ADAMTSL3: variants seen among roughly 807,000 people sequenced by gnomAD.
ADAMTSL3 encodes ADAMTS-like protein 3.
A neutral mutation model predicts 201.7 loss-of-function variants in ADAMTSL3; 128 were observed. The observed-to-expected ratio is 0.63, with a 90% CI of 0.55 to 0.73. ADAMTSL3 has a LOEUF of 0.73. Ranked by LOEUF, ADAMTSL3 falls within the 30% of genes least tolerant of loss-of-function variation. The pLI, the probability that ADAMTSL3 is intolerant of heterozygous loss-of-function variation, is 0.00. For synonymous variants in ADAMTSL3, 738 were observed against 748.4 expected (o/e 0.99, Z 0.23); for missense variants, 1,990 against 2,119.6 (o/e 0.94, Z 1.20).
intron 22 of ADAMTSL3, among the ~76,000 whole-genome samples, chr15:83,989,129 G>A (rs564913309): frequency 1.3e-5 from 2 of 152,214 alleles, no homozygotes; most frequent in African/African-American, 4.8e-5. Flanking sequence ...TGATCCACCC[G>A]CCTTGGCCTC....
At chr15:83,705,618 A>G (rs1388395276) in intron 3 of ADAMTSL3, among the ~76,000 whole-genome samples, 2 of 152,064 alleles carry the variant, frequency 1.3e-5, no homozygotes, top group African/African-American at 4.8e-5. Context: ...GCAGAGCATC[A>G]GTGGCTGATG....
Position 83,674,732 on chromosome 15 carries a change from TAC to T in ADAMTSL3, c.69+18908_69+18909del, listed in dbSNP as rs1369988755. Among the ~76,000 whole-genome samples the T allele has an allele frequency of 9.5e-3, 1,292 of 136,464 alleles. 46 individuals carry two copies. The highest frequency in any genetic ancestry group is 0.035 in the African/African-American group (1,216 of 34,358). 89.5% of individuals were successfully genotyped at this position (136,464 alleles called of 152,430 possible). ...ATATATACACACATATATACATATA[TAC>T]ACACATATATACATATATACACACA... On this transcript the variant is annotated intron_variant, in intron 2 of 29. Transcript: ENST00000286744.
intron 27 of ADAMTSL3, among the ~76,000 whole-genome samples, chr15:84,028,894 T>C (rs1446804162): frequency 2.0e-5 from 3 of 152,220 alleles, no homozygotes; most frequent in African/African-American, 7.2e-5. Flanking sequence ...GATGGTTTTA[T>C]AAGAGGCTTT....
At chr15:83,785,086 A>G (rs2063239380) in intron 4 of ADAMTSL3, among the ~76,000 whole-genome samples, 1 of 152,216 alleles carries the variant, frequency 6.6e-6, no homozygotes, top group Non-Finnish European at 1.5e-5. Flanking sequence ...TTGTTGGCAG[A>G]GATACATTTT....
chr15:83,738,671 A>T (rs890995583), intron 3 of ADAMTSL3, among the ~76,000 whole-genome samples: 1 of 152,158 alleles, frequency 6.6e-6, no homozygotes, highest in Non-Finnish European at 1.5e-5. Context: ...AGGTGGGTGG[A>T]TCACTTGAGG....
intron 2 of ADAMTSL3, among the ~76,000 whole-genome samples, chr15:83,659,922 G>A (rs1438040469): frequency 6.6e-6 from 1 of 152,202 alleles, no homozygotes; most frequent in Non-Finnish European, 1.5e-5. Context: ...ACTGGCTGTA[G>A]TGACACCTTG....
intron 3 of ADAMTSL3, among the ~76,000 whole-genome samples, chr15:83,713,619 C>G (rs535400618): frequency 6.6e-6 from 1 of 151,978 alleles, no homozygotes; most frequent in African/African-American, 2.4e-5. Flanking sequence ...CTCTGAATTT[C>G]AAAACAAAGG....
At chr15:83,771,186 TTTTAA>T (rs2062977477) in intron 3 of ADAMTSL3, among the ~76,000 whole-genome samples, 2 of 110,378 alleles carry the variant, frequency 1.8e-5, no homozygotes, top group African/African-American at 7.1e-5. Flanking sequence ...TTTTTTTTTA[TTTTAA>T]TAGGTCCATT....
At chr15:83,802,292 T>C (rs1172210709) in intron 4 of ADAMTSL3, among the ~76,000 whole-genome samples, 1 of 152,106 alleles carries the variant, frequency 6.6e-6, no homozygotes, top group Non-Finnish European at 1.5e-5. Context: ...AATGAAAACC[T>C]AAAGATGTTT....
chr15:83,755,541 C>T (rs2062706388), intron 3 of ADAMTSL3, among the ~76,000 whole-genome samples: 1 of 152,180 alleles, frequency 6.6e-6, no homozygotes, highest in South Asian at 2.1e-4. Flanking sequence ...TGGCTTATTT[C>T]ACTTAGCATA....
chr15:83,931,684 A>G (rs1246791410), intron 17 of ADAMTSL3, among the ~76,000 whole-genome samples: 3 of 152,196 alleles, frequency 2.0e-5, no homozygotes, highest in African/African-American at 4.8e-5. Context: ...TAGATGCAGT[A>G]TAAAAGGGGG....
intron 6 of ADAMTSL3, among the ~76,000 whole-genome samples, chr15:83,822,754 G>C (rs2063911150): frequency 6.6e-6 from 1 of 151,856 alleles, no homozygotes; most frequent in Non-Finnish European, 1.5e-5. Context: ...CAGACGATGG[G>C]CGGCCAGGCA....
chr15:83,883,229 A>G (rs998589912), intron 9 of ADAMTSL3, among the ~76,000 whole-genome samples: 5 of 151,164 alleles, frequency 3.3e-5, no homozygotes, highest in African/African-American at 9.7e-5. Context: ...CTGGAGTGCA[A>G]TGGTGTGATC....
chr15:83,921,702 T>C lies in ADAMTSL3; in HGVS notation c.1988-2202T>C, dbSNP rs182853428. ...GAAGGATAAAAAATATGTATGTATTTTGAGACAGAGTCTTTCTCTGTGCCC... is the reference window on the plus strand; with the variant it reads ...GAAGGATAAAAAATATGTATGTATTCTGAGACAGAGTCTTTCTCTGTGCCC... On this transcript the variant is annotated intron_variant, in intron 16 of 29. Transcript: ENST00000286744. 3.9e-3 allele frequency among the ~76,000 whole-genome samples: 592 copies of C among 152,322 alleles called. 2 individuals carry two copies. Among genetic ancestry groups the C allele is most frequent in the Middle Eastern group, 0.014 (4 of 294 alleles).
At chr15:83,657,481 A>G (rs2061104185) in intron 2 of ADAMTSL3, among the ~76,000 whole-genome samples, 1 of 152,208 alleles carries the variant, frequency 6.6e-6, no homozygotes, top group African/African-American at 2.4e-5. Context: ...CCACTTCATT[A>G]CTGTGTCACG....
chr15:83,954,993 C>T lies in ADAMTSL3; in HGVS notation c.2490+11911C>T, dbSNP rs78644252. On this transcript the variant is annotated intron_variant, in intron 19 of 29. Transcript: ENST00000286744. ...TTTCACCCAAGACCCACTGCAGCCACTATCTGGTTACTGCCTATGTTCACT... is the reference window on the plus strand; with the variant it reads ...TTTCACCCAAGACCCACTGCAGCCATTATCTGGTTACTGCCTATGTTCACT... Among the ~76,000 whole-genome samples the T allele has an allele frequency of 7.5e-3, 1,150 of 152,320 alleles. 14 individuals are homozygous for T. The highest frequency in any genetic ancestry group is 0.023 in the African/African-American group (947 of 41,582).
intron 5 of ADAMTSL3, among the ~76,000 whole-genome samples, chr15:83,814,090 G>C (rs532347237): frequency 1.1e-4 from 17 of 152,254 alleles, no homozygotes; most frequent in African/African-American, 4.1e-4. Flanking sequence ...GGGGCTCCCA[G>C]GGCTCCTTCT....
chr15:83,697,444 G>C (rs181902250), intron 2 of ADAMTSL3, among the ~76,000 whole-genome samples: 4 of 152,068 alleles, frequency 2.6e-5, no homozygotes, highest in Non-Finnish European at 4.4e-5. Context: ...CCCTTCACAC[G>C]CCAATCTCAA....
chr15:83,945,504 G>A (rs557885196), intron 19 of ADAMTSL3, among the ~76,000 whole-genome samples: 3 of 152,182 alleles, frequency 2.0e-5, no homozygotes, highest in Admixed American at 6.5e-5. Flanking sequence ...GTCAGGCAGT[G>A]GGGGCTGGGC....
Sources: allele counts gnomAD v4.1 joint callset (sites outside exome capture counted in the v4.1 genomes callset), GRCh38; gene constraint gnomAD v4.1.1; transcripts MANE v1.5; gene names NCBI Gene and HGNC (gene_info 2026-07-23, HGNC 2026-07-21).